The following THRB variants were observed in gnomAD, a reference collection of about 807,000 sequenced individuals.
The protein encoded by THRB is thyroid hormone receptor beta, also known as nuclear receptor subfamily 1 group A member 2.
THRB carries 12 observed loss-of-function variants against 47.8 expected under a neutral mutation model. The ratio of observed to expected loss-of-function variants is 0.25; its 90% confidence interval spans 0.16 to 0.41. The LOEUF is 0.41. Among genes scored for constraint, THRB ranks in the 10% least tolerant of loss-of-function variants. THRB has a pLI of 1.00. For synonymous variants in THRB, 218 were observed against 212.2 expected (o/e 1.03, Z -0.24); for missense variants, 348 against 589.2 (o/e 0.59, Z 4.24).
intron 5 of THRB, among the ~76,000 whole-genome samples, chr3:24,188,840 A>G (rs1273121069): frequency 9.9e-6 from 1 of 100,930 alleles, no homozygotes; most frequent in Admixed American, 9.6e-5. Context: ...AGCCCTTTCA[A>G]TTTCTCAGAT....
In THRB at chr3:24,355,464, A is replaced by C. The variant is rs190232516; in HGVS notation, c.-260-18093T>G. On this transcript the variant is annotated intron_variant, in intron 1 of 10. Transcript: ENST00000646209. ...TGGACAATGGACAAAATTTGAACAG[A>C]GGATGTCAATTCAATAATAGTATGT... 1.2e-3 allele frequency among the ~76,000 whole-genome samples: 188 copies of C among 152,322 alleles called. 1 individual carries two copies. The highest frequency in any genetic ancestry group is 7.3e-3 in the Admixed American group (111 of 15,296).
chr3:24,239,514 A>G (rs2049260649), intron 3 of THRB, among the ~76,000 whole-genome samples: 1 of 151,954 alleles, frequency 6.6e-6, no homozygotes, highest in Admixed American at 6.6e-5. Flanking sequence ...GAGTCTTGCT[A>G]TGTTGCCCAG....
At chr3:24,280,702 GAA>G in intron 3 of THRB, among the ~76,000 whole-genome samples, 1 of 152,036 alleles carries the variant, frequency 6.6e-6, no homozygotes, top group African/African-American at 2.4e-5. Flanking sequence ...AAACTTAGAA[GAA>G]TGTATAACTA....
At position 24,279,005 on chromosome 3, in the gene THRB, C is replaced by T. The variant is rs569384068; in HGVS notation, c.-43+18221G>A. Among the ~76,000 whole-genome samples the T allele has an allele frequency of 4.6e-5, 7 of 152,120 alleles. No individual in the cohort carries two copies. In the East Asian group the frequency reaches 1.4e-3, roughly 30 times the overall value. On this transcript the variant is annotated intron_variant, in intron 3 of 10. Transcript: ENST00000646209. ...GACTACCGGTGCATACTACCACGTC[C>T]AGCTAGTTTTTAAATGTTTCATAGA...
rs1326004949 is a variant in THRB, at chr3:24,152,964, AAAAAAAAAAGAAAGAAAG to A, written c.284-492_284-475del. ...GCGACAAGAGCGAAATTCTGCCAAAAAAAAAAAAAGAAAGAAAGAAAGAAAGAAAGAAAGAAAGAAAGA... is the reference window on the plus strand; with the variant it reads ...GCGACAAGAGCGAAATTCTGCCAAAAAAAGAAAGAAAGAAAGAAAGAAAGA... On this transcript the variant is annotated intron_variant, in intron 5 of 10. Transcript: ENST00000646209. Among the ~76,000 whole-genome samples, 19 of 83,260 alleles carry A rather than the reference AAAAAAAAAAGAAAGAAAG, an allele frequency of 2.3e-4. 1 individual carries two copies. The South Asian group carries it at 3.8e-3, about 17-fold the overall frequency. The allele number at this position is 83,260 out of a possible 152,430, so 54.6% of individuals were successfully genotyped here.
intron 4 of THRB, among the ~76,000 whole-genome samples, chr3:24,198,736 G>A (rs2044262990): frequency 6.6e-6 from 1 of 152,048 alleles, no homozygotes; most frequent in Non-Finnish European, 1.5e-5. Context: ...GTGTATGTTA[G>A]TGTTCCCAAA....
At chr3:24,303,215 C>T (rs1467058014) in intron 2 of THRB, among the ~76,000 whole-genome samples, 1 of 152,180 alleles carries the variant, frequency 6.6e-6, no homozygotes, top group Admixed American at 6.6e-5. Context: ...AGAGACTCCT[C>T]CCTGTGTCTA....
intron 1 of THRB, among the ~76,000 whole-genome samples, chr3:24,391,125 C>A (rs902447639): frequency 2.0e-5 from 3 of 152,120 alleles, no homozygotes; most frequent in African/African-American, 7.2e-5. Flanking sequence ...TGGGAAACTT[C>A]TTTGGAGAGC....
chr3:24,137,026 A>G (rs1470359099), intron 8 of THRB, among the ~76,000 whole-genome samples: 1 of 152,252 alleles, frequency 6.6e-6, no homozygotes, highest in Non-Finnish European at 1.5e-5. Context: ...AGGTGACCTC[A>G]GTTTGAAATG....
At chr3:24,245,132 C>T (rs775933158) in intron 3 of THRB, among the ~76,000 whole-genome samples, 33 of 152,164 alleles carry the variant, frequency 2.2e-4, no homozygotes, top group Non-Finnish European at 3.4e-4. Flanking sequence ...GTCTGGAGAA[C>T]TCCTGAGGAG....
chr3:24,432,270 A>C (rs4241525), intron 1 of THRB, among the ~76,000 whole-genome samples: 141,962 of 152,154 alleles, frequency 0.93, 66,465 homozygotes, highest in Non-Finnish European at 0.97. Context: ...GCTATGTAGG[A>C]ACTGGCAGGC....
intron 3 of THRB, among the ~76,000 whole-genome samples, chr3:24,257,349 T>C (rs1229444367): frequency 6.6e-6 from 1 of 152,076 alleles, no homozygotes. Flanking sequence ...TATGATATTA[T>C]CCAAGTAGCA....
At chr3:24,204,708 C>T (rs1368376485) in intron 4 of THRB, among the ~76,000 whole-genome samples, 1 of 152,132 alleles carries the variant, frequency 6.6e-6, no homozygotes, top group Non-Finnish European at 1.5e-5. Flanking sequence ...CTTCTCTGAG[C>T]TAAAGGAGGA....
At chr3:24,174,677 T>G (rs575393763) in intron 5 of THRB, among the ~76,000 whole-genome samples, 2 of 152,240 alleles carry the variant, frequency 1.3e-5, no homozygotes, top group Non-Finnish European at 2.9e-5. Context: ...TGCTGGCCAT[T>G]TGCAGTTTTG....
At chr3:24,228,379 G>A (rs908808653) in intron 4 of THRB, among the ~76,000 whole-genome samples, 3 of 152,034 alleles carry the variant, frequency 2.0e-5, no homozygotes, top group African/African-American at 7.3e-5. Flanking sequence ...TGACTCTACT[G>A]CTGAATGGAA....
chr3:24,319,758 G>A (rs1039653340), intron 2 of THRB, among the ~76,000 whole-genome samples: 1 of 152,202 alleles, frequency 6.6e-6, no homozygotes. Context: ...TCCCCTAGAC[G>A]AGTAGAAGGG....
intron 3 of THRB, among the ~76,000 whole-genome samples, chr3:24,279,123 G>A (rs1213782676): frequency 6.6e-6 from 1 of 152,170 alleles, no homozygotes; most frequent in Admixed American, 6.5e-5. Flanking sequence ...GGAATTACAG[G>A]TATGAACCTC....
intron 5 of THRB, among the ~76,000 whole-genome samples, chr3:24,186,606 T>C (rs192013312): frequency 6.6e-6 from 1 of 152,216 alleles, no homozygotes; most frequent in East Asian, 1.9e-4. Flanking sequence ...TTAATTCACT[T>C]AGGATGCTTA....
At chr3:24,129,944 T>G (rs1342020563) in intron 9 of THRB, among the ~76,000 whole-genome samples, 1 of 152,214 alleles carries the variant, frequency 6.6e-6, no homozygotes, top group African/African-American at 2.4e-5. Flanking sequence ...GAACACAGTT[T>G]GAATAGCAGA....
Sources: allele counts gnomAD v4.1 joint callset (sites outside exome capture counted in the v4.1 genomes callset), GRCh38; gene constraint gnomAD v4.1.1; transcripts MANE v1.5; gene names NCBI Gene and HGNC (gene_info 2026-07-23, HGNC 2026-07-21).